Variants in HSP90AB1 observed in about 807,000 individuals in gnomAD.
HSP90AB1 encodes heat shock protein HSP 90-beta.
A neutral mutation model predicts 67.8 loss-of-function variants in HSP90AB1; 17 were observed. The ratio of observed to expected loss-of-function variants is 0.25; its 90% CI spans 0.17 to 0.38. HSP90AB1 has a LOEUF of 0.38. Ranked by LOEUF, HSP90AB1 falls within the 10% of genes least tolerant of loss-of-function variation. The pLI, the probability that HSP90AB1 is intolerant of heterozygous loss-of-function variation, is 1.00. For synonymous variants in HSP90AB1, 390 were observed against 312.9 expected (o/e 1.25, Z -2.60); for missense variants, 690 against 899.9 (o/e 0.77, Z 2.98).
chr6:44,250,455 G>C lies in HSP90AB1; in HGVS notation c.813G>C (p.Lys271Asn), dbSNP rs1171401636. 2.5e-6 allele frequency: 4 copies of C among 1,613,944 alleles called. No individual in the cohort carries two copies. Among genetic ancestry groups the C allele is most frequent in the Non-Finnish European group, 3.4e-6 (4 of 1,179,836 alleles). Residue 271 changes from lysine (K) to asparagine (N), a missense_variant, in exon 6 of 12, where the codon AAG becomes AAC. Around this residue, in one of 7 missense-constraint regions of HSP90AB1, gnomAD observed 146 missense variants for 143.7 expected, o/e 1.02. Coordinates refer to ENST00000371646, the MANE Select transcript of HSP90AB1 (RefSeq NM_007355.4). ...SGKDKKKKTKKIKEKYIDQEE... is the reference protein window; with the variant it reads ...SGKDKKKKTKNIKEKYIDQEE... Reference sequence around the variant, plus strand: ...AGGATAAGAAGAAGAAAACTAAGAAGATCAAAGAGAAATACATTGATCAGG... The same window carrying C: ...AGGATAAGAAGAAGAAAACTAAGAACATCAAAGAGAAATACATTGATCAGG...
In HSP90AB1 at chr6:44,253,320, C is replaced by T. The variant is rs759212558; in HGVS notation, c.2007C>T (p.Ser669=). The T allele has an allele frequency of 1.9e-6, 3 of 1,614,202 alleles. No individual in the cohort carries two copies. The highest frequency in any genetic ancestry group is 1.1e-5 in the South Asian group (1 of 91,080). The part of the protein sequence containing the change: ...FETALLSSGF[S]LEDPQTHSNR... ...CCGCCCTGCTATCTTCTGGCTTTTC[C>T]CTTGAGGATCCCCAGACCCACTCCA... The change falls in exon 11 of 12, where the codon TCC becomes TCT. Residue 669 remains serine (S), a synonymous_variant. Transcript: ENST00000371646.
chr6:44,253,566 G>A lies in HSP90AB1; in HGVS notation c.2143G>A (p.Glu715Lys). Reference sequence around the variant, plus strand: ...TGAGATCCCCCCTCTCGAGGGCGATGAGGATGCGTCTCGCATGGAAGAAGT... The same window carrying A: ...TGAGATCCCCCCTCTCGAGGGCGATAAGGATGCGTCTCGCATGGAAGAAGT... ...PDEIPPLEGDEDASRMEEVD is the reference protein window; with the variant it reads ...PDEIPPLEGDKDASRMEEVD Residue 715 changes from glutamate (E) to lysine (K), a missense_variant, in exon 12 of 12, where the codon GAG (glutamate) becomes AAG (lysine). Glu to Lys is a moderately conservative substitution (Grantham distance 56). Transcript: ENST00000371646. The A allele has an allele frequency of 6.2e-7, 1 of 1,613,994 alleles. No individual in the cohort carries two copies.
chr6:44,247,361 GTCC>G lies in HSP90AB1; in HGVS notation c.-1+172_-1+174del, dbSNP rs150384151. ...GGTAGTGGTGGGTGAGGTTTTTTGA[GTCC>G]TCCTCGGTTTTCTCTAGTGTGTTTG... On this transcript the variant is annotated intron_variant, in intron 1 of 11. Coordinates refer to ENST00000371646, the MANE Select transcript of HSP90AB1 (RefSeq NM_007355.4). Among the ~76,000 whole-genome samples, 190 of 152,050 alleles carry G rather than the reference GTCC, an allele frequency of 1.2e-3. 1 individual carries two copies. Among genetic ancestry groups the G allele is most frequent in the African/African-American group, 4.2e-3 (175 of 41,446 alleles).
chr6:44,250,220 A>G (rs1780469952), intron 5 of HSP90AB1, 66 bp downstream of exon 5: 2 of 1,605,512 alleles, frequency 1.2e-6, no homozygotes, highest in Non-Finnish European at 1.7e-6. Context: ...GGAGAATCTC[A>G]TTGTCCCTGG....
Position 44,249,473 on chromosome 6 carries a change from C to A in HSP90AB1, c.244C>A (p.Arg82Ser). Reference protein sequence around the residue: ...KIDIIPNPQERTLTLVDTGIG... With the variant: ...KIDIIPNPQESTLTLVDTGIG... ...TGACATCATCCCCAACCCTCAGGAACGTACCCTGACTTTGGTAGACACAGG... is the reference window on the plus strand; with the variant it reads ...TGACATCATCCCCAACCCTCAGGAAAGTACCCTGACTTTGGTAGACACAGG... The change falls in exon 3 of 12, where the codon CGT (arginine) becomes AGT (serine). Residue 82 changes from arginine to serine, a missense_variant. By Grantham distance (110) the Arg-to-Ser change is moderately radical. Transcript: ENST00000371646. 1 of 1,613,834 alleles carries A rather than the reference C, an allele frequency of 6.2e-7. No individual in the cohort carries two copies. The highest frequency in any genetic ancestry group is 8.5e-7 in the Non-Finnish European group (1 of 1,179,718).
In HSP90AB1 at chr6:44,253,845, TTAAAG is replaced by T. The variant is rs774691448; in HGVS notation, c.*250_*254del. ...TTATTTTCTTCATTTTGTTCTGAAA[TTAAAG>T]TATGCAAAATAAAGAATATGCCGTT... On this transcript the variant is annotated 3_prime_UTR_variant, in exon 12 of 12. Coordinates refer to ENST00000371646, the MANE Select transcript of HSP90AB1 (RefSeq NM_007355.4). 1.4e-6 allele frequency: 1 copy of T among 733,836 alleles called. No individual in the cohort carries two copies. The highest frequency in any genetic ancestry group is 2.4e-4 in the Middle Eastern group (1 of 4,214). The allele number at this position is 733,836 out of a possible 1,614,324, so 45.5% of individuals were successfully genotyped here.
intron 5 of HSP90AB1, 62 bp downstream of exon 5, chr6:44,250,216 T>A: frequency 8.7e-6 from 14 of 1,611,568 alleles, no homozygotes; most frequent in Non-Finnish European, 1.2e-5. Flanking sequence ...TTCTGGAGAA[T>A]CTCATTGTCC....
At chr6:44,249,653 T>C in intron 3 of HSP90AB1, 22 bp from the exon 4 acceptor site, 1 of 1,611,650 alleles carries the variant, frequency 6.2e-7, no homozygotes. Flanking sequence ...AAACTTGTGA[T>C]TGACTTTAAA....
Position 44,253,860 on chromosome 6 carries a change from T to TA in HSP90AB1, c.*265dup. ...TGTTCTGAAATTAAAGTATGCAAAA[T>TA]AAAGAATATGCCGTTTTTATACAGT... On this transcript the variant is annotated 3_prime_UTR_variant, in exon 12 of 12. Coordinates refer to ENST00000371646, the MANE Select transcript of HSP90AB1 (RefSeq NM_007355.4). 1 of 711,436 alleles carries TA rather than the reference T, an allele frequency of 1.4e-6. No homozygotes were observed. The highest frequency in any genetic ancestry group is 2.7e-6 in the Non-Finnish European group (1 of 375,578). 44.1% of individuals were successfully genotyped at this position (711,436 alleles called of 1,614,324 possible). A position where few individuals can be genotyped will look rare whatever the true frequency, so the allele number is the denominator to read the frequency against.
Position 44,248,866 on chromosome 6 carries a change from C to G in HSP90AB1, c.147+90C>G, listed in dbSNP as rs543447155. The stretch of plus-strand genomic sequence containing the variant: ...GGAGTGGTTTGGCCTTTGTTGGGGA[C>G]TACTATTGAAGGGGGTAAACTTGCA... On this transcript the variant is annotated intron_variant, in intron 2 of 11. Coordinates refer to ENST00000371646, the MANE Select transcript of HSP90AB1 (RefSeq NM_007355.4). The G allele has an allele frequency of 7.5e-6, 9 of 1,207,104 alleles. No individual in the cohort carries two copies. The Middle Eastern group carries it at 7.8e-4, about 105-fold the overall frequency. The allele number at this position is 1,207,104 out of a possible 1,614,324, so 74.8% of individuals were successfully genotyped here.
intron 1 of HSP90AB1, 94 bp from the exon 2 acceptor site, chr6:44,248,536 C>T: frequency 3.4e-6 from 4 of 1,168,000 alleles, no homozygotes; most frequent in Non-Finnish European, 4.9e-6. Context: ...AGTCTGAACT[C>T]ACTGTCTAAG....
At chr6:44,252,955 C>T (rs940232479) in intron 10 of HSP90AB1, 90 bp from the exon 11 acceptor site, 2 of 1,085,826 alleles carry the variant, frequency 1.8e-6, no homozygotes, top group Non-Finnish European at 1.4e-6. Context: ...GTCTGTCCAC[C>T]TCCTCCCCCT....
rs1331943025 is a variant in HSP90AB1, at chr6:44,248,741, A to G, written c.112A>G (p.Ile38Val). 5.6e-6 allele frequency: 9 copies of G among 1,613,574 alleles called. No individual in the cohort carries two copies. The highest frequency in any genetic ancestry group is 7.6e-6 in the Non-Finnish European group (9 of 1,179,862). The change falls in exon 2 of 12, where the codon ATT (isoleucine) becomes GTT (valine). Residue 38 changes from isoleucine (I) to valine (V), a missense_variant. Transcript: ENST00000371646. Reference sequence around the variant, plus strand: ...CAATACCTTCTATTCCAACAAGGAGATTTTCCTTCGGGAGTTGATCTCTAA... The same window carrying G: ...CAATACCTTCTATTCCAACAAGGAGGTTTTCCTTCGGGAGTTGATCTCTAA... The part of the protein sequence containing the change: ...IINTFYSNKE[I>V]FLRELISNAS...
rs1292248092 is a variant in HSP90AB1 at position 44,253,259 on chromosome 6, A to T, written c.1946A>T (p.Lys649Met). The change falls in exon 11 of 12, where the codon AAG becomes ATG. Residue 649 changes from lysine (K) to methionine (M), a missense_variant. Lys to Met is a moderately conservative substitution (Grantham distance 95, BLOSUM62 -1). Around this residue, in one of 7 missense-constraint regions of HSP90AB1, gnomAD observed 120 missense variants for 153.5 expected, o/e 0.78. Transcript: ENST00000371646. ...AAGGCTGAGGCCGACAAGAATGATA[A>T]GGCAGTTAAGGACCTGGTGGTGCTG... is the stretch of plus-strand genomic sequence containing the variant. Reference protein sequence around the residue: ...RQKAEADKNDKAVKDLVVLLF... With the variant: ...RQKAEADKNDMAVKDLVVLLF... 1 of 1,614,204 alleles carries T rather than the reference A, an allele frequency of 6.2e-7. No homozygotes were observed. The highest frequency in any genetic ancestry group is 8.5e-7 in the Non-Finnish European group (1 of 1,180,026).
chr6:44,251,316 G>A, intron 7 of HSP90AB1, 102 bp from the exon 8 acceptor site: 1 of 1,526,338 alleles, frequency 6.6e-7, no homozygotes, highest in Non-Finnish European at 9.1e-7. Context: ...TACATAGTAG[G>A]TGTAAGGGTT....
chr6:44,247,395 T>C (rs1008797566), intron 1 of HSP90AB1, among the ~76,000 whole-genome samples, 200 bp downstream of exon 1: 5 of 150,666 alleles, frequency 3.3e-5, no homozygotes, highest in African/African-American at 1.2e-4. Context: ...GTTTGGGGGG[T>C]GGGGCTTTCT....
chr6:44,251,790 C>G lies in HSP90AB1; in HGVS notation c.1368C>G (p.Arg456=). The change falls in exon 9 of 12, where the codon CGC becomes CGG. Residue 456 remains arginine (R), a synonymous_variant. Transcript: ENST00000371646. Reference sequence around the variant, plus strand: ...GCCGCCGCCTGTCTGAGCTGCTGCGCTATCATACCTCCCAGTCTGGAGATG... The same window carrying G: ...GCCGCCGCCTGTCTGAGCTGCTGCGGTATCATACCTCCCAGTCTGGAGATG... ...TNRRRLSELL[R]YHTSQSGDEM... is the part of the protein sequence containing the mutation. The G allele has an allele frequency of 1.9e-6, 3 of 1,613,396 alleles. No individual in the cohort carries two copies. The highest frequency in any genetic ancestry group is 2.5e-6 in the Non-Finnish European group (3 of 1,180,030).
At chr6:44,246,499 T>C (rs34538146), upstream of HSP90AB1, among the ~76,000 whole-genome samples, 1,474 of 152,016 alleles carry the variant, frequency 9.7e-3, 29 homozygotes, top group African/African-American at 0.033. Flanking sequence ...CCGCCGCATG[T>C]CGGCAAAGAG....
rs1294426247 is a variant in HSP90AB1 at position 44,252,289 on chromosome 6, A to G, written c.1731+22A>G. 10 of 1,606,330 alleles carry G rather than the reference A, an allele frequency of 6.2e-6. No individual in the cohort carries two copies. In the African/African-American group the frequency reaches 1.2e-4, roughly 19 times the overall value. On this transcript the variant is annotated intron_variant, in intron 10 of 11. Coordinates refer to ENST00000371646, the MANE Select transcript of HSP90AB1 (RefSeq NM_007355.4). Reference sequence around the variant, plus strand: ...GAAGGTAAGCCATTCTGGGGCTAGGATATATTTTGTAACATCTTCGAGGTG... The same window carrying G: ...GAAGGTAAGCCATTCTGGGGCTAGGGTATATTTTGTAACATCTTCGAGGTG...
Sources: gnomAD v4.1 joint callset for allele counts (sites outside exome capture counted in the v4.1 genomes callset) on GRCh38, gnomAD v4.1.1 for gene constraint, gnomAD v4.1.1 regional missense constraint, MANE v1.5 for transcripts, NCBI Gene and HGNC (gene_info 2026-07-23, HGNC 2026-07-21) for gene names.